Variants in PPFIA1 observed in about 807,000 individuals in gnomAD.
PPFIA1 encodes liprin-alpha-1.
A neutral mutation model predicts 149.9 loss-of-function variants in PPFIA1; 25 were observed. The observed-to-expected ratio is 0.17, with a 90% CI of 0.12 to 0.23. The LOEUF is 0.23. Among genes scored for constraint, PPFIA1 ranks in the 10% least tolerant of loss-of-function variants. The pLI, the probability that PPFIA1 is intolerant of heterozygous loss-of-function variation, is 1.00. For missense variants in PPFIA1, 1,362 were observed against 1,506.5 expected (o/e 0.90, Z 1.59); for synonymous variants, 549 against 552.8 (o/e 0.99, Z 0.10).
At position 70,382,074 on chromosome 11, in the gene PPFIA1, G is replaced by A. The variant is rs1381512571; in HGVS notation, c.3551-14G>A. Reference sequence around the variant, plus strand: ...GCTGTGTTTGCACGCTTCCTCTCGTGGCTGTTGAAACAGGCAATGTATCAG... The same window carrying A: ...GCTGTGTTTGCACGCTTCCTCTCGTAGCTGTTGAAACAGGCAATGTATCAG... On this transcript the variant is annotated splice_polypyrimidine_tract_variant and intron_variant, in intron 26 of 27. Transcript: ENST00000253925. 2 of 1,613,724 alleles carry A rather than the reference G, an allele frequency of 1.2e-6. No homozygotes were observed. Among genetic ancestry groups the A allele is most frequent in the Non-Finnish European group, 1.7e-6 (2 of 1,179,774 alleles).
At position 70,374,673 on chromosome 11, in the gene PPFIA1, A is replaced by G. The variant is rs559406740; in HGVS notation, c.3140-245A>G. ...TCTTTTCTCTAGAAATAATAACTTC[A>G]TTCCTCTCGTGCTCACTGGAAGGAT... On this transcript the variant is annotated intron_variant, in intron 23 of 27. Coordinates refer to ENST00000253925, the MANE Select transcript of PPFIA1 (RefSeq NM_003626.5). The G allele has an allele frequency of 2.8e-5, 12 of 435,220 alleles. No homozygotes were observed. In the Admixed American group the frequency reaches 3.6e-4, roughly 13 times the overall value. The allele number at this position is 435,220 out of a possible 1,614,324, so 27.0% of individuals were successfully genotyped here.
chr11:70,330,195 T>A lies in PPFIA1; in HGVS notation c.953T>A (p.Met318Lys). Reference protein sequence around the residue: ...VREAMAQKEDMEERITTLEKR... With the variant: ...VREAMAQKEDKEERITTLEKR... ...TAGGCCATGGCCCAAAAGGAAGATA[T>A]GGAAGAGAGAATCACTACTCTTGAA... is the stretch of plus-strand genomic sequence containing the variant. The change falls in exon 8 of 28, where the codon ATG (methionine) becomes AAG (lysine). Residue 318 changes from methionine to lysine, a missense_variant. Met to Lys is a moderately conservative substitution (Grantham distance 95). Transcript: ENST00000253925. 3.1e-6 allele frequency: 5 copies of A among 1,600,160 alleles called. No homozygotes were observed. Among genetic ancestry groups the A allele is most frequent in the Non-Finnish European group, 4.3e-6 (5 of 1,174,998 alleles).
chr11:70,296,430 A>G (rs953759488), intron 2 of PPFIA1, among the ~76,000 whole-genome samples: 24 of 152,170 alleles, frequency 1.6e-4, no homozygotes, highest in Admixed American at 7.9e-4. Flanking sequence ...CTGCAATCCC[A>G]GCACCTCTGG....
At chr11:70,339,611 T>G (rs2055190237) in intron 14 of PPFIA1, among the ~76,000 whole-genome samples, 1 of 148,250 alleles carries the variant, frequency 6.7e-6, no homozygotes, top group African/African-American at 2.5e-5. Flanking sequence ...TGAGCCACCG[T>G]GCCTGGCCTC....
Position 70,330,337 on chromosome 11 carries a change from C to G in PPFIA1, c.1077+18C>G, listed in dbSNP as rs1181368618. On this transcript the variant is annotated intron_variant, in intron 8 of 27. Transcript: ENST00000253925. ...ATCGACAGGTAATGGATTTTATCGA[C>G]CTTTGTCTGGCTTTAGTTAATTATT... 8 of 1,543,146 alleles carry G rather than the reference C, an allele frequency of 5.2e-6. No individual in the cohort carries two copies.
At position 70,354,460 on chromosome 11, in the gene PPFIA1, GC is replaced by G. The variant is rs773054353; in HGVS notation, c.2315+10del. On this transcript the variant is annotated intron_variant, in intron 17 of 27. Coordinates refer to ENST00000253925, the MANE Select transcript of PPFIA1 (RefSeq NM_003626.5). ...CATCAGGGACATAAGGAAGTAAGGA[GC>G]CTGCAGCAGCCCCATGCAGAGCGCA... 1.9e-6 allele frequency: 3 copies of G among 1,609,360 alleles called. No individual in the cohort carries two copies. The highest frequency in any genetic ancestry group is 2.5e-6 in the Non-Finnish European group (3 of 1,178,310).
chr11:70,279,327 A>T (rs1005928831), intron 2 of PPFIA1: 1 of 217,830 alleles, frequency 4.6e-6, no homozygotes, highest in African/African-American at 2.3e-5. Context: ...CAAACAGGCA[A>T]GGCAGAGAAA....
At chr11:70,337,229 A>G (rs2055035136) in intron 11 of PPFIA1, 136 bp from the exon 12 acceptor site, 6 of 553,430 alleles carry the variant, frequency 1.1e-5, no homozygotes, top group Non-Finnish European at 1.6e-5. Flanking sequence ...CCCTGGGACT[A>G]CAGCAGTGCT....
At chr11:70,369,072 G>A (rs1401581465) in intron 21 of PPFIA1, among the ~76,000 whole-genome samples, 1 of 151,864 alleles carries the variant, frequency 6.6e-6, no homozygotes, top group African/African-American at 2.4e-5. Flanking sequence ...TTATAGGCAT[G>A]AGCCACCATG....
intron 25 of PPFIA1, 34 bp downstream of exon 25, chr11:70,376,634 G>T: frequency 6.7e-7 from 1 of 1,493,080 alleles, no homozygotes; most frequent in Non-Finnish European, 9.3e-7. Flanking sequence ...TTAAATGTCT[G>T]AAATGTGTGT....
rs2055044792 is a variant in PPFIA1 at position 70,337,346 on chromosome 11, ACTAT to A, written c.1429-16_1429-13del. 5 of 1,549,744 alleles carry A rather than the reference ACTAT, an allele frequency of 3.2e-6. No homozygotes were observed. The highest frequency in any genetic ancestry group is 3.5e-6 in the Non-Finnish European group (4 of 1,134,574). ...GGACATTTTAAAGAAACACTAAAGG[ACTAT>A]CTGTCTTTTTTCAGAACTCTCTTTT... On this transcript the variant is annotated splice_polypyrimidine_tract_variant and intron_variant, in intron 11 of 27. Transcript: ENST00000253925.
chr11:70,295,458 G>A (rs1271506115), intron 2 of PPFIA1, among the ~76,000 whole-genome samples: 1 of 145,720 alleles, frequency 6.9e-6, no homozygotes, highest in Admixed American at 6.7e-5. Context: ...GGGGCAGCCG[G>A]GCAGAGGCGC....
At chr11:70,309,025 G>T (rs1211726577) in intron 2 of PPFIA1, among the ~76,000 whole-genome samples, 1 of 152,066 alleles carries the variant, frequency 6.6e-6, no homozygotes, top group Non-Finnish European at 1.5e-5. Flanking sequence ...TTGTTGGTTT[G>T]ATTCTGCCCC....
Position 70,305,973 on chromosome 11 carries a change from C to T in PPFIA1, c.265-18429C>T, listed in dbSNP as rs113056447. ...AGGTTTAAAAAAGCAAAATTCAAAA[C>T]GGAGAAATTGTGCTGACATTTGAAC... is the stretch of plus-strand genomic sequence containing the variant. On this transcript the variant is annotated intron_variant, in intron 2 of 27. Transcript: ENST00000253925. 2.0e-3 allele frequency among the ~76,000 whole-genome samples: 307 copies of T among 152,212 alleles called. 2 individuals are homozygous for T. The highest frequency in any genetic ancestry group is 7.2e-3 in the African/African-American group (297 of 41,528).
chr11:70,331,885 A>G (rs1287154836), intron 8 of PPFIA1, 75 bp from the exon 9 acceptor site: 6 of 1,473,650 alleles, frequency 4.1e-6, no homozygotes, highest in African/African-American at 1.4e-5. Flanking sequence ...TCTGCATTTC[A>G]GTTTGTTTCA....
chr11:70,324,619 T>A, intron 3 of PPFIA1, 116 bp downstream of exon 3: 1 of 965,602 alleles, frequency 1.0e-6, no homozygotes, highest in Non-Finnish European at 1.6e-6. Context: ...TTTTCATACC[T>A]TTTCCCACTG....
intron 21 of PPFIA1, among the ~76,000 whole-genome samples, chr11:70,368,060 C>A (rs138487244): frequency 5.1e-4 from 77 of 152,226 alleles, no homozygotes; most frequent in African/African-American, 1.9e-3. Flanking sequence ...ATCGCTTGAG[C>A]CCGGAAAGTG....
chr11:70,330,692 C>T (rs2054600382), intron 8 of PPFIA1, among the ~76,000 whole-genome samples: 2 of 152,200 alleles, frequency 1.3e-5, no homozygotes, highest in Non-Finnish European at 2.9e-5. Context: ...TGCGGTGGCT[C>T]ATGCCTGTCA....
At chr11:70,289,237 C>T (rs953405131) in intron 2 of PPFIA1, among the ~76,000 whole-genome samples, 3 of 152,042 alleles carry the variant, frequency 2.0e-5, no homozygotes, top group African/African-American at 7.2e-5. Context: ...TCCCAAAGTG[C>T]TGGGATTGCA....
Sources: gnomAD v4.1 joint callset for allele counts (sites outside exome capture counted in the v4.1 genomes callset) on GRCh38, gnomAD v4.1.1 for gene constraint, MANE v1.5 for transcripts, NCBI Gene and HGNC (gene_info 2026-07-23, HGNC 2026-07-21) for gene names.